The following KIFAP3 variants were observed in gnomAD, a reference collection of about 807,000 sequenced individuals.
KIFAP3 encodes kinesin-associated protein 3.
A neutral mutation model predicts 106.5 loss-of-function variants in KIFAP3; 68 were observed. The ratio of observed to expected loss-of-function variants is 0.64; its 90% CI spans 0.53 to 0.78. The LOEUF (loss-of-function observed/expected upper bound fraction) is 0.78. Ranked by LOEUF, KIFAP3 falls within the 30% of genes least tolerant of loss-of-function variation. KIFAP3 has a pLI of 0.00. For synonymous variants in KIFAP3, 320 were observed against 311.5 expected, an observed-to-expected ratio of 1.03 and a Z score of -0.29; for missense variants, 780 against 941.8, an observed-to-expected ratio of 0.83 and a Z score of 2.25.
chr1:170,060,957 T>C (rs1671118245), intron 1 of KIFAP3, among the ~76,000 whole-genome samples: 1 of 152,160 alleles, frequency 6.6e-6, no homozygotes, highest in Non-Finnish European at 1.5e-5. Flanking sequence ...TGGCTAGCCA[T>C]ATGTAGAAAG....
intron 1 of KIFAP3, among the ~76,000 whole-genome samples, chr1:170,059,458 C>T (rs1198348119): frequency 6.6e-6 from 1 of 152,150 alleles, no homozygotes; most frequent in Non-Finnish European, 1.5e-5. Flanking sequence ...CAAGACTAAA[C>T]CAGGAAGAAG....
rs755588978 is a variant in KIFAP3, at chr1:170,070,796, C to A, written c.32+3640G>T. On this transcript the variant is annotated intron_variant, in intron 1 of 19. Transcript: ENST00000361580. ...TAAATAACGATGCCAAAAGCATGAG[C>A]AACAAAAGAATAAATTAGACTTCAC... 7.9e-5 allele frequency among the ~76,000 whole-genome samples: 12 copies of A among 152,048 alleles called. No homozygotes were observed. The East Asian group carries it at 2.3e-3, about 29-fold the overall frequency.
chr1:170,080,391 T>A (rs1325384805), intron 1 of KIFAP3, among the ~76,000 whole-genome samples: 1 of 152,118 alleles, frequency 6.6e-6, no homozygotes, highest in Admixed American at 6.5e-5. Context: ...ACTAGCAATT[T>A]TTTTTTACAA....
At position 169,983,389 on chromosome 1, in the gene KIFAP3, C is replaced by T. The variant is rs769400698; in HGVS notation, c.1394-7G>A. 9 of 1,564,820 alleles carry T rather than the reference C, an allele frequency of 5.8e-6. No individual in the cohort carries two copies. Among genetic ancestry groups the T allele is most frequent in the Admixed American group, 1.7e-5 (1 of 57,154 alleles). ...AGCATCTTCAGCCCATTTCCTGAAACAGAAAAGTCCCCCAATAAAATTAAG... is the reference window on the plus strand; with the variant it reads ...AGCATCTTCAGCCCATTTCCTGAAATAGAAAAGTCCCCCAATAAAATTAAG... On this transcript the variant is annotated splice_region_variant and splice_polypyrimidine_tract_variant and intron_variant, in intron 12 of 19. Coordinates refer to ENST00000361580, the MANE Select transcript of KIFAP3 (RefSeq NM_014970.4).
intron 8 of KIFAP3, 90 bp from the exon 9 acceptor site, chr1:170,024,686 T>TAGCCCTAAAAA: frequency 1.4e-6 from 1 of 733,582 alleles, no homozygotes. Context: ...GCAACAGAGA[T>TAGCCCTAAAAA]AGCCCTAAAA....
At chr1:169,928,704 A>AAAAAAAAAAAAAAAAAAAAAAT (rs1663288402) in intron 19 of KIFAP3, among the ~76,000 whole-genome samples, 1 of 148,624 alleles carries the variant, frequency 6.7e-6, no homozygotes. Context: ...GTCTCCAAAA[A>AAAAAAAAAAAAAAAAAAAAAAT]AAAAAAAAAA....
At position 170,074,568 on chromosome 1, in the gene KIFAP3, T is replaced by C; in HGVS notation, c.-101A>G. On this transcript the variant is annotated 5_prime_UTR_variant, in exon 1 of 20. Transcript: ENST00000361580. ...AAAGTACCCTCACACCCAGAGGCGA[T>C]GACAGTCCTGAGGCCTGCAAGGCGG... 2 of 1,586,632 alleles carry C rather than the reference T, an allele frequency of 1.3e-6. No individual in the cohort carries two copies. Among genetic ancestry groups the C allele is most frequent in the Admixed American group, 1.8e-5 (1 of 55,838 alleles).
chr1:169,929,965 G>A (rs779240548), intron 19 of KIFAP3, among the ~76,000 whole-genome samples: 2 of 152,096 alleles, frequency 1.3e-5, no homozygotes, highest in African/African-American at 2.4e-5. Flanking sequence ...TGAAGGGAAC[G>A]TGTGTAAAAT....
At chr1:169,940,634 G>C (rs1250270807) in intron 19 of KIFAP3, among the ~76,000 whole-genome samples, 3 of 152,176 alleles carry the variant, frequency 2.0e-5, no homozygotes, top group African/African-American at 7.2e-5. Flanking sequence ...TCATGCAACA[G>C]GAGGTGGAGC....
At chr1:169,945,105 TA>T (rs1210025137) in intron 19 of KIFAP3, among the ~76,000 whole-genome samples, 1 of 150,528 alleles carries the variant, frequency 6.6e-6, no homozygotes, top group Non-Finnish European at 1.5e-5. Context: ...CCTGAGCTTG[TA>T]GGTGCCCAAA....
intron 15 of KIFAP3, among the ~76,000 whole-genome samples, chr1:169,979,284 AGTCT>A (rs2101903913): frequency 6.6e-6 from 1 of 152,260 alleles, no homozygotes; most frequent in African/African-American, 2.4e-5. Context: ...CCAACTACTT[AGTCT>A]TTCTTTTAAT....
intron 10 of KIFAP3, among the ~76,000 whole-genome samples, chr1:169,994,597 C>T (rs1042769096): frequency 6.6e-6 from 1 of 151,976 alleles, no homozygotes; most frequent in African/African-American, 2.4e-5. Flanking sequence ...TGAATGGACA[C>T]TAGTAAGCAT....
chr1:169,931,494 G>C (rs531592550), intron 19 of KIFAP3, among the ~76,000 whole-genome samples: 36 of 152,164 alleles, frequency 2.4e-4, no homozygotes, highest in African/African-American at 8.7e-4. Flanking sequence ...TTTTAATGAA[G>C]GTATGCCATC....
At chr1:170,083,222 T>C (rs1672047844) in intron 1 of KIFAP3, among the ~76,000 whole-genome samples, 1 of 152,188 alleles carries the variant, frequency 6.6e-6, no homozygotes, top group Non-Finnish European at 1.5e-5. Context: ...CCAAGCAGGA[T>C]AAATAAAACA....
intron 3 of KIFAP3, among the ~76,000 whole-genome samples, chr1:170,039,897 C>A (rs561671682): frequency 6.6e-6 from 1 of 151,850 alleles, no homozygotes; most frequent in Non-Finnish European, 1.5e-5. Flanking sequence ...TTGAGCCATT[C>A]GTTTATATTG....
intron 3 of KIFAP3, among the ~76,000 whole-genome samples, chr1:170,045,111 A>C (rs10919285): frequency 0.16 from 24,970 of 152,160 alleles, 2,216 homozygotes; most frequent in Middle Eastern, 0.22. Context: ...CAAGGCTTTG[A>C]CTGGATTGGC....
intron 5 of KIFAP3, among the ~76,000 whole-genome samples, chr1:170,037,577 AAAAC>A (rs1410614950): frequency 3.3e-5 from 5 of 151,922 alleles, no homozygotes; most frequent in Admixed American, 6.5e-5. Context: ...TAAAAAAAAA[AAAAC>A]AAACCACACA....
chr1:169,935,128 A>AT (rs1663718127), intron 19 of KIFAP3, among the ~76,000 whole-genome samples: 1 of 152,104 alleles, frequency 6.6e-6, no homozygotes. Context: ...TTTTATAAAA[A>AT]TATTTTTTGA....
At chr1:170,084,647 C>T (rs1247597285) in intron 1 of KIFAP3, among the ~76,000 whole-genome samples, 2 of 151,852 alleles carry the variant, frequency 1.3e-5, no homozygotes, top group East Asian at 3.9e-4. Flanking sequence ...TAGAGAAAGG[C>T]AATAGTACAT....
Sources: allele counts gnomAD v4.1 joint callset (sites outside exome capture counted in the v4.1 genomes callset), GRCh38; gene constraint gnomAD v4.1.1; transcripts MANE v1.5; gene names NCBI Gene and HGNC (gene_info 2026-07-23, HGNC 2026-07-21).